ALDH3A2: variants seen among roughly 807,000 people sequenced by gnomAD.
ALDH3A2 encodes the protein aldehyde dehydrogenase family 3 member A2.
ALDH3A2 carries 36 observed loss-of-function variants against 51.3 expected under a neutral mutation model. That is an observed-to-expected ratio of 0.70 (90% CI 0.54 to 0.93). The LOEUF is 0.93. Ranked by LOEUF, ALDH3A2 falls within the 40% of genes least tolerant of loss-of-function variation. The pLI is 0.00. For synonymous variants in ALDH3A2, 199 were observed against 219.8 expected, an observed-to-expected ratio of 0.91 and a Z score of 0.84; for missense variants, 552 against 603.1, an observed-to-expected ratio of 0.92 and a Z score of 0.89.
At chr17:19,655,093 A>G (rs1179683953) in intron 3 of ALDH3A2, among the ~76,000 whole-genome samples, 1 of 152,166 alleles carries the variant, frequency 6.6e-6, no homozygotes, top group Non-Finnish European at 1.5e-5. Flanking sequence ...CTTCCTGGGG[A>G]GGAAGTTATG....
chr17:19,665,904 G>A (rs2085030713), intron 8 of ALDH3A2, among the ~76,000 whole-genome samples: 1 of 152,178 alleles, frequency 6.6e-6, no homozygotes, highest in Admixed American at 6.5e-5. Context: ...TCCATGGGAT[G>A]CGATGGCCCA....
rs72547563 is a variant in ALDH3A2, at chr17:19,656,448, G to C, written c.554G>C (p.Gly185Ala). 1.2e-6 allele frequency: 2 copies of C among 1,614,060 alleles called. No homozygotes were observed. The highest frequency in any genetic ancestry group is 1.7e-6 in the Non-Finnish European group (2 of 1,180,030). The change falls in exon 4 of 10, where the codon GGA (glycine) becomes GCA (alanine). Residue 185 changes from glycine (G) to alanine (A), a missense_variant. Transcript: ENST00000176643. ...CGATTTGACCACATTTTCTATACGGGAAACACTGCGGTTGGCAAAATTGTC... is the reference window on the plus strand; with the variant it reads ...CGATTTGACCACATTTTCTATACGGCAAACACTGCGGTTGGCAAAATTGTC... ...KQRFDHIFYT[G>A]NTAVGKIVME...
chr17:19,670,932 C>T (rs1170149533), intron 8 of ALDH3A2, among the ~76,000 whole-genome samples: 3 of 152,176 alleles, frequency 2.0e-5, no homozygotes, highest in Non-Finnish European at 4.4e-5. Context: ...TCTTCTCACA[C>T]CAGGCCTGCT....
Position 19,663,387 on chromosome 17 carries a change from T to G in ALDH3A2, c.995T>G (p.Ile332Ser). 2 of 1,614,128 alleles carry G rather than the reference T, an allele frequency of 1.2e-6. No homozygotes were observed. Among genetic ancestry groups the G allele is most frequent in the Non-Finnish European group, 8.5e-7 (1 of 1,180,004 alleles). The change falls in exon 7 of 10, where the codon ATT becomes AGT. Residue 332 changes from isoleucine to serine, a missense_variant. Coordinates refer to ENST00000176643, the MANE Select transcript of ALDH3A2 (RefSeq NM_000382.3). ...AAAACCAAGGTGATGCAAGAAGAAA[T>G]TTTTGGACCAATTCTTCCAATAGTG... is the stretch of plus-strand genomic sequence containing the variant. ...DPKTKVMQEEIFGPILPIVPV... is the reference protein window; with the variant it reads ...DPKTKVMQEESFGPILPIVPV...
In ALDH3A2 at chr17:19,670,585, C is replaced by T. The variant is rs1379237155; in HGVS notation, c.1208-1136C>T. 1.0e-4 allele frequency among the ~76,000 whole-genome samples: 15 copies of T among 143,240 alleles called. No homozygotes were observed. In the East Asian group the frequency reaches 1.4e-3, roughly 14 times the overall value. 94.0% of individuals were successfully genotyped at this position (143,240 alleles called of 152,430 possible). A position where few individuals can be genotyped will look rare whatever the true frequency, so the allele number is the denominator to read the frequency against. On this transcript the variant is annotated intron_variant, in intron 8 of 9. Transcript: ENST00000176643. ...ATTCTTTTTTTTTTTTTTTTTGAGA[C>T]GGAGTCTCGCTCTGTCGCCCAGGCT...
chr17:19,670,081 G>A (rs1031989932), intron 8 of ALDH3A2, among the ~76,000 whole-genome samples: 10 of 152,248 alleles, frequency 6.6e-5, no homozygotes, highest in African/African-American at 1.2e-4. Flanking sequence ...ATACCTAAAA[G>A]TAAAAGCTCC....
chr17:19,653,720 A>G (rs2084852220), intron 3 of ALDH3A2, among the ~76,000 whole-genome samples: 1 of 152,164 alleles, frequency 6.6e-6, no homozygotes, highest in African/African-American at 2.4e-5. Flanking sequence ...CAGCAGCAAG[A>G]TTTATTGCAA....
chr17:19,664,900 C>A, intron 7 of ALDH3A2, 48 bp from the exon 8 acceptor site: 1 of 1,376,208 alleles, frequency 7.3e-7, no homozygotes, highest in South Asian at 1.2e-5. Flanking sequence ...CATGAGTGTT[C>A]CCTAAGGGGC....
chr17:19,660,363 C>G lies in ALDH3A2; in HGVS notation c.799-764C>G, dbSNP rs2084951034. On this transcript the variant is annotated intron_variant, in intron 5 of 9. Transcript: ENST00000176643. ...GCACATGCATTTTAGCAAGCTGCAC[C>G]AGTGATTCCGACCACCCAGACTTGA... Among the ~76,000 whole-genome samples, 3 of 151,876 alleles carry G rather than the reference C, an allele frequency of 2.0e-5. No individual in the cohort carries two copies. The South Asian group carries it at 6.3e-4, about 32-fold the overall frequency.
intron 6 of ALDH3A2, chr17:19,662,053 T>C (rs1192768461): frequency 1.3e-5 from 2 of 151,924 alleles, no homozygotes; most frequent in Non-Finnish European, 2.9e-5. Flanking sequence ...CTTCTATCTC[T>C]CTTGGTGGCA....
At position 19,656,522 on chromosome 17, in the gene ALDH3A2, G is replaced by A. The variant is rs1171947633; in HGVS notation, c.628G>A (p.Gly210Arg). The A allele has an allele frequency of 6.2e-7, 1 of 1,614,098 alleles. No individual in the cohort carries two copies. Among genetic ancestry groups the A allele is most frequent in the Non-Finnish European group, 8.5e-7 (1 of 1,179,996 alleles). The change falls in exon 4 of 10, where the codon GGG (glycine) becomes AGG (arginine). Residue 210 changes from glycine to arginine, a missense_variant. Coordinates refer to ENST00000176643, the MANE Select transcript of ALDH3A2 (RefSeq NM_000382.3). The stretch of plus-strand genomic sequence containing the variant: ...GACCCCTGTGACTCTTGAACTGGGA[G>A]GGAAAAGTCCATGTTATATTGATAA... ...HLTPVTLELG[G>R]KSPCYIDKDC...
chr17:19,651,801 T>C, intron 2 of ALDH3A2, 23 bp downstream of exon 2: 3 of 1,591,830 alleles, frequency 1.9e-6, no homozygotes, highest in East Asian at 2.2e-5. Context: ...CTTATGTCTA[T>C]ATACCTTTTT....
At chr17:19,651,356 G>C (rs1340202783) in intron 1 of ALDH3A2, among the ~76,000 whole-genome samples, 191 bp from the exon 2 acceptor site, 1 of 152,146 alleles carries the variant, frequency 6.6e-6, no homozygotes, top group Non-Finnish European at 1.5e-5. Flanking sequence ...TTTTTTAAAA[G>C]AAATATATTA....
intron 5 of ALDH3A2, among the ~76,000 whole-genome samples, chr17:19,660,709 T>C (rs915065763): frequency 5.3e-5 from 8 of 152,202 alleles, no homozygotes; most frequent in Non-Finnish European, 2.9e-5. Context: ...GCTTTGCAGA[T>C]GTTAGGGTCT....
At position 19,648,922 on chromosome 17, in the gene ALDH3A2, TCCCACTCCCCAGCG is replaced by T. The variant is rs1457950852; in HGVS notation, c.-46_-33del. The T allele has an allele frequency of 2.6e-6, 4 of 1,542,786 alleles. No homozygotes were observed. Among genetic ancestry groups the T allele is most frequent in the Admixed American group, 1.9e-5 (1 of 51,376 alleles). On this transcript the variant is annotated 5_prime_UTR_variant, in exon 1 of 10. Transcript: ENST00000176643. The stretch of plus-strand genomic sequence containing the variant: ...GGCCTGCACCTGCATGCTTCCCGCC[TCCCACTCCCCAGCG>T]CCCCCGGACCGTGCAGTTCTCTGCA...
In ALDH3A2 at chr17:19,656,571, G is replaced by T. The variant is rs569611052; in HGVS notation, c.677G>T (p.Cys226Phe). ...AAAGATTGTGACCTGGACATTGTTT[G>T]CAGGTGAGTCTGGCTCTCTGATTTT... ...IDKDCDLDIV[C>F]RRITWGKYMN... Residue 226 changes from cysteine (C) to phenylalanine (F), a missense_variant, in exon 4 of 10, where the codon TGC becomes TTC. Transcript: ENST00000176643. 21 of 1,610,258 alleles carry T rather than the reference G, an allele frequency of 1.3e-5. No homozygotes were observed. Among genetic ancestry groups the T allele is most frequent in the Non-Finnish European group, 1.8e-5 (21 of 1,177,872 alleles).
rs775013144 is a variant in ALDH3A2 at position 19,665,064 on chromosome 17, C to T, written c.1207+17C>T. On this transcript the variant is annotated intron_variant, in intron 8 of 9. Transcript: ENST00000176643. The stretch of plus-strand genomic sequence containing the variant: ...GAGGAGTGGGTGAGTCTTATTTTCT[C>T]CTGCTTGTAGTAGATATTTCAAAAG... 5.0e-6 allele frequency: 8 copies of T among 1,594,506 alleles called. No homozygotes were observed. The highest frequency in any genetic ancestry group is 5.0e-5 in the Admixed American group (3 of 59,964).
At chr17:19,650,696 GC>G (rs1270770469) in intron 1 of ALDH3A2, among the ~76,000 whole-genome samples, 1 of 151,722 alleles carries the variant, frequency 6.6e-6, no homozygotes, top group Non-Finnish European at 1.5e-5. Flanking sequence ...CTTGTGATCC[GC>G]CCGCCTCAGC....
At chr17:19,658,338 G>A (rs878989433) in intron 5 of ALDH3A2, among the ~76,000 whole-genome samples, 1 of 152,146 alleles carries the variant, frequency 6.6e-6, no homozygotes, top group Non-Finnish European at 1.5e-5. Context: ...CTTTCAGCGT[G>A]TTTAAAGTAA....
Sources: allele counts gnomAD v4.1 joint callset (sites outside exome capture counted in the v4.1 genomes callset), GRCh38; gene constraint gnomAD v4.1.1; transcripts MANE v1.5; gene names NCBI Gene and HGNC (gene_info 2026-07-23, HGNC 2026-07-21).